The following ACOX3 variants were observed in gnomAD, a reference collection of about 807,000 sequenced individuals.
ACOX3 encodes the protein acyl-CoA oxidase 3, pristanoyl, also known as peroxisomal acyl-coenzyme A oxidase 3.
A neutral mutation model predicts 81.5 loss-of-function variants in ACOX3; 73 were observed. The observed-to-expected ratio is 0.90, with a 90% CI of 0.74 to 1.09. The LOEUF (loss-of-function observed/expected upper bound fraction) is 1.09. ACOX3 is among the 50% of genes least tolerant of loss of function. The probability of loss-of-function intolerance (pLI) is 0.00; values close to 1 mark genes in which losing one functional copy is unlikely to be tolerated. For missense variants in ACOX3, 947 were observed against 928.0 expected, an observed-to-expected ratio of 1.02 and a Z score of -0.27; for synonymous variants, 387 against 375.1, an observed-to-expected ratio of 1.03 and a Z score of -0.37.
At chr4:8,402,422 C>T (rs556328822) in intron 7 of ACOX3, among the ~76,000 whole-genome samples, 75 of 152,324 alleles carry the variant, frequency 4.9e-4, no homozygotes, top group African/African-American at 1.7e-3. Flanking sequence ...AACCTTGCCT[C>T]GGTGCCAATG....
At chr4:8,408,450 G>A (rs544879705) in intron 6 of ACOX3, among the ~76,000 whole-genome samples, 182 of 152,276 alleles carry the variant, frequency 1.2e-3, no homozygotes, top group African/African-American at 3.9e-3. Context: ...ACTTGGTGCA[G>A]TGGCGAGAGG....
intron 1 of ACOX3, among the ~76,000 whole-genome samples, chr4:8,434,154 G>A (rs1478643334): frequency 6.6e-6 from 1 of 152,256 alleles, no homozygotes; most frequent in African/African-American, 2.4e-5. Context: ...TTTCTGTTCT[G>A]TTAGCTGATC....
intron 8 of ACOX3, among the ~76,000 whole-genome samples, chr4:8,397,718 A>T (rs1317513411): frequency 2.0e-5 from 3 of 152,156 alleles, no homozygotes; most frequent in African/African-American, 7.2e-5. Flanking sequence ...TTGCCACGTG[A>T]TCTGACCGTC....
At chr4:8,404,619 C>G (rs771739654) in intron 7 of ACOX3, among the ~76,000 whole-genome samples, 1 of 152,206 alleles carries the variant, frequency 6.6e-6, no homozygotes, top group Non-Finnish European at 1.5e-5. Flanking sequence ...ATCACCCTGA[C>G]TTCTCAGAAG....
In ACOX3 at chr4:8,370,336, G is replaced by C. The variant is rs764810761; in HGVS notation, c.1983+572C>G. ...CAGGCAGTCGAGGAGGCTGGTGGAG[G>C]CTCCCTCAGGGGGGCGGCCTGACCC... On this transcript the variant is annotated intron_variant, in intron 17 of 17. Coordinates refer to ENST00000356406, the MANE Select transcript of ACOX3 (RefSeq NM_003501.3). This position sits in a 1 kb window ranked among gnomAD's most constrained non-coding sequence, Gnocchi z 6.3. 6.6e-6 allele frequency among the ~76,000 whole-genome samples: 1 copy of C among 152,038 alleles called. No individual in the cohort carries two copies. The highest frequency in any genetic ancestry group is 2.1e-4 in the South Asian group (1 of 4,830).
chr4:8,356,125 G>T, the ACOX3 span: 1 of 228,758 alleles, frequency 4.4e-6, no homozygotes, highest in Non-Finnish European at 8.8e-6. Context: ...TCTGCAGGCC[G>T]GGCTTTGTTG....
Position 8,396,996 on chromosome 4 carries a change from G to C in ACOX3, c.997C>G (p.Arg333Gly), listed in dbSNP as rs757845752. 1.2e-6 allele frequency: 2 copies of C among 1,611,956 alleles called. No homozygotes were observed. Among genetic ancestry groups the C allele is most frequent in the Non-Finnish European group, 1.7e-6 (2 of 1,179,170 alleles). Residue 333 changes from arginine (R) to glycine (G), a missense_variant, in exon 9 of 18, where the codon CGG (arginine) becomes GGG (glycine). Arg to Gly is a moderately radical substitution (Grantham distance 125). Coordinates refer to ENST00000356406, the MANE Select transcript of ACOX3 (RefSeq NM_003501.3). Reference protein sequence around the residue: ...VAIALRFSATRRQFGPTEEEE... With the variant: ...VAIALRFSATGRQFGPTEEEE... ...TCCTCTGTGGGTCCAAACTGACGCC[G>C]AGTGGCTGAGAAGCGAAGAGCGATG... is the stretch of plus-strand genomic sequence containing the variant.
At chr4:8,428,711 C>T (rs1374390721) in intron 1 of ACOX3, among the ~76,000 whole-genome samples, 1 of 152,242 alleles carries the variant, frequency 6.6e-6, no homozygotes, top group African/African-American at 2.4e-5. Flanking sequence ...CAGTTCACAC[C>T]GCGGCCCTTC....
In ACOX3 at chr4:8,382,058, G is replaced by A. The variant is rs550797416; in HGVS notation, c.1538-451C>T. On this transcript the variant is annotated intron_variant, in intron 13 of 17. Transcript: ENST00000356406. The surrounding 1 kb of genome is among the most constrained non-coding windows in gnomAD (Gnocchi z 4.1). ...AGTGGCGAGAGGAAGGGGTGCTTCC[G>A]TTCGCCTCCCCCTGCCTGGCCCTTG... Among the ~76,000 whole-genome samples the A allele has an allele frequency of 2.6e-4, 39 of 152,348 alleles. 1 individual carries two copies. In the South Asian group the frequency reaches 5.4e-3, roughly 21 times the overall value.
intron 1 of ACOX3, among the ~76,000 whole-genome samples, chr4:8,426,854 A>T (rs1446440302): frequency 6.6e-6 from 1 of 152,200 alleles, no homozygotes; most frequent in Non-Finnish European, 1.5e-5. Flanking sequence ...GGACCCCTGG[A>T]CTGGCCTGCT....
At position 8,373,645 on chromosome 4, in the gene ACOX3, G is replaced by GGTCACA; in HGVS notation, c.1829-23_1829-18dup. 6.2e-7 allele frequency: 1 copy of GGTCACA among 1,606,376 alleles called. No individual in the cohort carries two copies. On this transcript the variant is annotated splice_polypyrimidine_tract_variant and intron_variant, in intron 15 of 17. Transcript: ENST00000356406. ...AGTATCCTCCTGCAAGCACAGCCTCGGTCACATGGGGGCTGGGTCCAGTCC... is the reference window on the plus strand; with the variant it reads ...AGTATCCTCCTGCAAGCACAGCCTCGGTCACAGTCACATGGGGGCTGGGTCCAGTCC...
At chr4:8,434,816 T>G (rs187085402) in intron 1 of ACOX3, among the ~76,000 whole-genome samples, 2 of 152,386 alleles carry the variant, frequency 1.3e-5, no homozygotes, top group East Asian at 3.9e-4. Context: ...TAAACAGGCG[T>G]GCCTTTATTG....
At chr4:8,367,139 A>T in intron 17 of ACOX3, 59 bp from the exon 18 acceptor site, 1 of 1,594,088 alleles carries the variant, frequency 6.3e-7, no homozygotes, top group Non-Finnish European at 8.6e-7. Flanking sequence ...AAAGATTCCT[A>T]GACGGCTGAG....
downstream of ACOX3, among the ~76,000 whole-genome samples, chr4:8,365,548 C>T (rs539669685): frequency 5.3e-5 from 8 of 152,296 alleles, no homozygotes; most frequent in African/African-American, 9.6e-5. Flanking sequence ...TGTCTGCCTG[C>T]GGCAGTGTCC....
At chr4:8,391,830 A>G (rs758831283) in intron 11 of ACOX3, among the ~76,000 whole-genome samples, 1 of 152,252 alleles carries the variant, frequency 6.6e-6, no homozygotes, top group Non-Finnish European at 1.5e-5. Flanking sequence ...TCTTAACCAT[A>G]TAACAGCTGC....
rs752082255 is a variant in ACOX3, at chr4:8,376,685, G to A, written c.1654-1533C>T. On this transcript the variant is annotated intron_variant, in intron 14 of 17. Transcript: ENST00000356406. Reference sequence around the variant, plus strand: ...CGTCCTGTCGGTGCCAGGAAGGCCCGTCCTGCTCCCTGCTGTCTGAGCATG... The same window carrying A: ...CGTCCTGTCGGTGCCAGGAAGGCCCATCCTGCTCCCTGCTGTCTGAGCATG... 4.6e-5 allele frequency among the ~76,000 whole-genome samples: 7 copies of A among 152,284 alleles called. No individual in the cohort carries two copies. The East Asian group carries it at 7.7e-4, about 17-fold the overall frequency.
In ACOX3 at chr4:8,385,550, C is replaced by T. The variant is rs1019779534; in HGVS notation, c.1537+3623G>A. Among the ~76,000 whole-genome samples the T allele has an allele frequency of 6.6e-6, 1 of 152,254 alleles. No homozygotes were observed. Among genetic ancestry groups the T allele is most frequent in the Non-Finnish European group, 1.5e-5 (1 of 68,042 alleles). Reference sequence around the variant, plus strand: ...GGGCCCACTGCAGGAAGCAACAGCACAGGCCCCCAAGGCACAGGGCTGTGA... The same window carrying T: ...GGGCCCACTGCAGGAAGCAACAGCATAGGCCCCCAAGGCACAGGGCTGTGA... On this transcript the variant is annotated intron_variant, in intron 13 of 17. Coordinates refer to ENST00000356406, the MANE Select transcript of ACOX3 (RefSeq NM_003501.3). The surrounding 1 kb of genome is among the most constrained non-coding windows in gnomAD (Gnocchi z 5.5).
chr4:8,385,048 T>C lies in ACOX3; in HGVS notation c.1538-3441A>G, dbSNP rs1190995833. On this transcript the variant is annotated intron_variant, in intron 13 of 17. Transcript: ENST00000356406. This position sits in a 1 kb window ranked among gnomAD's most constrained non-coding sequence, Gnocchi z 5.5. Reference sequence around the variant, plus strand: ...CAGCAGCCCCCCACCGAGGGCACCATGGCCTGGCCCCTGCCAGGTGGCATG... The same window carrying C: ...CAGCAGCCCCCCACCGAGGGCACCACGGCCTGGCCCCTGCCAGGTGGCATG... 6.6e-6 allele frequency among the ~76,000 whole-genome samples: 1 copy of C among 152,050 alleles called. No individual in the cohort carries two copies. Among genetic ancestry groups the C allele is most frequent in the African/African-American group, 2.4e-5 (1 of 41,410 alleles).
the ACOX3 span, chr4:8,356,801 G>A: frequency 4.4e-6 from 2 of 455,336 alleles, no homozygotes; most frequent in Non-Finnish European, 8.8e-6. Flanking sequence ...AAAGTGAGCA[G>A]AATGGTGCAT....
Sources: allele counts gnomAD v4.1 joint callset (sites outside exome capture counted in the v4.1 genomes callset), GRCh38; gene constraint gnomAD v4.1.1; non-coding constraint Gnocchi (gnomAD v3.1); transcripts MANE v1.5; gene names NCBI Gene and HGNC (gene_info 2026-07-23, HGNC 2026-07-21).